The following VAV1 variants were observed in gnomAD, a reference collection of about 807,000 sequenced individuals.
The protein encoded by VAV1 is vav guanine nucleotide exchange factor 1.
Under a neutral mutation model 128.1 loss-of-function variants are expected in VAV1, and 33 were observed. That is an observed-to-expected ratio of 0.26 (90% confidence interval 0.20 to 0.34). The LOEUF (loss-of-function observed/expected upper bound fraction) is 0.34, where lower values mean the gene tolerates loss of function less well. VAV1 is among the 10% of genes least tolerant of loss of function. VAV1 has a pLI of 1.00. For missense variants in VAV1, 715 were observed against 1,093.7 expected (o/e 0.65, Z 4.88); for synonymous variants, 394 against 409.8 (o/e 0.96, Z 0.47).
chr19:6,835,226 C>T (rs1207151285), intron 19 of VAV1, among the ~76,000 whole-genome samples: 1 of 151,022 alleles, frequency 6.6e-6, no homozygotes, highest in African/African-American at 2.4e-5. Context: ...CACACACACA[C>T]ACACACACAC....
Position 6,819,093 on chromosome 19 carries a change from C to T in VAV1, c.205-1609C>T, listed in dbSNP as rs7256484. 9.9e-5 allele frequency among the ~76,000 whole-genome samples: 15 copies of T among 151,918 alleles called. No homozygotes were observed. The South Asian group carries it at 1.2e-3, about 13-fold the overall frequency. Reference sequence around the variant, plus strand: ...ATGGCACCATTGCACTCCAGCCTGGCGGACAAAGTGAGACTCCATCCCCCT... The same window carrying T: ...ATGGCACCATTGCACTCCAGCCTGGTGGACAAAGTGAGACTCCATCCCCCT... On this transcript the variant is annotated intron_variant, in intron 1 of 26. Coordinates refer to ENST00000602142, the MANE Select transcript of VAV1 (RefSeq NM_005428.4).
At chr19:6,791,861 G>GC (rs1738831023) in intron 1 of VAV1, among the ~76,000 whole-genome samples, 1 of 152,174 alleles carries the variant, frequency 6.6e-6, no homozygotes, top group Admixed American at 6.6e-5. Flanking sequence ...GGCAGAGAGG[G>GC]CAAAGACTGT....
intron 21 of VAV1, 106 bp downstream of exon 21, chr19:6,837,156 C>T (rs755872267): frequency 6.7e-6 from 8 of 1,194,110 alleles, no homozygotes; most frequent in Non-Finnish European, 7.4e-6. Context: ...AGGGGGCTGC[C>T]CATCATGGCA....
intron 1 of VAV1, among the ~76,000 whole-genome samples, chr19:6,799,667 G>A (rs571755276): frequency 2.0e-5 from 3 of 151,794 alleles, no homozygotes; most frequent in East Asian, 3.9e-4. Context: ...AATTACTGAT[G>A]GCACTTTTGG....
At chr19:6,793,977 A>C (rs1031877283) in intron 1 of VAV1, among the ~76,000 whole-genome samples, 3 of 152,146 alleles carry the variant, frequency 2.0e-5, no homozygotes, top group Non-Finnish European at 4.4e-5. Flanking sequence ...GATACTGATA[A>C]ATGACTTCTT....
Position 6,828,768 on chromosome 19 carries a change from G to C in VAV1, c.1180-47G>C. ...GCCACGTGGGGAGAGTGTGTGTCTG[G>C]CTCCTTTCTTGGGAGACCCTTGCTA... On this transcript the variant is annotated intron_variant, in intron 12 of 26. Coordinates refer to ENST00000602142, the MANE Select transcript of VAV1 (RefSeq NM_005428.4). The surrounding 1 kb of genome is among the most constrained non-coding windows in gnomAD (Gnocchi z 4.5). 6.2e-7 allele frequency: 1 copy of C among 1,613,984 alleles called. No homozygotes were observed. Among genetic ancestry groups the C allele is most frequent in the South Asian group, 1.1e-5 (1 of 91,076 alleles).
chr19:6,854,738 T>C (rs1186920756), intron 26 of VAV1, among the ~76,000 whole-genome samples: 1 of 151,666 alleles, frequency 6.6e-6, no homozygotes, highest in Non-Finnish European at 1.5e-5. Flanking sequence ...ATAAAAGAGA[T>C]TGTGGTGGAG....
chr19:6,835,553 T>C (rs370209), intron 19 of VAV1, among the ~76,000 whole-genome samples: 17,333 of 152,176 alleles, frequency 0.11, 3,038 homozygotes, highest in African/African-American at 0.38. Context: ...CTATCTCCCA[T>C]AGGGAACCAC....
chr19:6,848,210 G>A, intron 23 of VAV1, 96 bp downstream of exon 23: 3 of 1,120,338 alleles, frequency 2.7e-6, no homozygotes, highest in Non-Finnish European at 3.7e-6. Context: ...GAAGTGTACG[G>A]TAATAGCATC....
At chr19:6,841,069 T>C (rs960734946) in intron 21 of VAV1, among the ~76,000 whole-genome samples, 10 of 151,934 alleles carry the variant, frequency 6.6e-5, no homozygotes, top group Admixed American at 5.3e-4. Flanking sequence ...TGAGCCACCA[T>C]GCCGGGCCTA....
In VAV1 at chr19:6,850,782, C is replaced by G. The variant is rs769383906; in HGVS notation, c.2217+25C>G. 1.2e-4 allele frequency: 198 copies of G among 1,611,886 alleles called. No homozygotes were observed. In the East Asian group the frequency reaches 3.1e-3, roughly 25 times the overall value. On this transcript the variant is annotated intron_variant, in intron 24 of 26. Coordinates refer to ENST00000602142, the MANE Select transcript of VAV1 (RefSeq NM_005428.4). ...GGTAAGGGTCAATGTCCGCTCAATC[C>G]CAGCTTTCCAGAACCTAGGAGGACC...
intron 24 of VAV1, among the ~76,000 whole-genome samples, chr19:6,852,670 G>A (rs1234848098): frequency 1.3e-5 from 2 of 151,208 alleles, no homozygotes; most frequent in South Asian, 2.1e-4. Flanking sequence ...GCAGTGAGCC[G>A]AGATTGCGCC....
At chr19:6,854,214 G>T (rs1599687029) in intron 26 of VAV1, 116 bp downstream of exon 26, 1 of 1,341,784 alleles carries the variant, frequency 7.5e-7, no homozygotes. Flanking sequence ...ATCTCTCACG[G>T]TGGGAGGGAA....
chr19:6,825,503 G>T, intron 8 of VAV1, 97 bp downstream of exon 8: 2 of 1,084,120 alleles, frequency 1.8e-6, no homozygotes, highest in Non-Finnish European at 2.7e-6. Flanking sequence ...ACTGGACGGG[G>T]AGGACTTTTT....
chr19:6,773,025 G>T lies in VAV1; in HGVS notation c.204+14G>T. On this transcript the variant is annotated intron_variant, in intron 1 of 26. Transcript: ENST00000602142. ...CAGATGTCCCAGGTGAGCCCTCCGC[G>T]GGCAGGTGTGCTGAGGGTTGGAGAC... 1 of 1,614,016 alleles carries T rather than the reference G, an allele frequency of 6.2e-7. No homozygotes were observed. Among genetic ancestry groups the T allele is most frequent in the South Asian group, 1.1e-5 (1 of 91,078 alleles).
intron 25 of VAV1, among the ~76,000 whole-genome samples, chr19:6,853,341 C>T (rs1355795658): frequency 6.6e-6 from 1 of 151,816 alleles, no homozygotes; most frequent in African/African-American, 2.4e-5. Context: ...TCTTAGCTCC[C>T]TGCAACCTTT....
At position 6,828,203 on chromosome 19, in the gene VAV1, C is replaced by T. The variant is rs772875776; in HGVS notation, c.1023+32C>T. 11 of 1,610,010 alleles carry T rather than the reference C, an allele frequency of 6.8e-6. No homozygotes were observed. Among genetic ancestry groups the T allele is most frequent in the Admixed American group, 1.7e-5 (1 of 59,892 alleles). ...GGCACATCTCTAGGCGTGGGCTCCA[C>T]GTACCTACTCTCCTGTGTCTATAAA... is the stretch of plus-strand genomic sequence containing the variant. On this transcript the variant is annotated intron_variant, in intron 10 of 26. Transcript: ENST00000602142. This position sits in a 1 kb window ranked among gnomAD's most constrained non-coding sequence, Gnocchi z 4.5.
chr19:6,781,795 A>T (rs1970772554), intron 1 of VAV1, among the ~76,000 whole-genome samples: 2 of 151,944 alleles, frequency 1.3e-5, no homozygotes, highest in African/African-American at 4.8e-5. Flanking sequence ...TTTAGTAGAG[A>T]CAGGGTTTCG....
chr19:6,804,195 C>A (rs552076353), intron 1 of VAV1, among the ~76,000 whole-genome samples: 1 of 151,448 alleles, frequency 6.6e-6, no homozygotes, highest in African/African-American at 2.4e-5. Flanking sequence ...ATGTGACGCA[C>A]GGCAGGCAAG....
Sources: allele counts gnomAD v4.1 joint callset (sites outside exome capture counted in the v4.1 genomes callset), GRCh38; gene constraint gnomAD v4.1.1; non-coding constraint Gnocchi (gnomAD v3.1); transcripts MANE v1.5; gene names NCBI Gene and HGNC (gene_info 2026-07-23, HGNC 2026-07-21).